Variants in KCNMB4 observed in about 807,000 individuals in gnomAD.
KCNMB4 encodes the protein calcium-activated potassium channel subunit beta-4.
KCNMB4 carries 3 observed loss-of-function variants against 20.7 expected under a neutral mutation model. The ratio of observed to expected loss-of-function variants is 0.14; its 90% CI spans 0.07 to 0.37. The LOEUF is 0.37. Ranked by LOEUF, KCNMB4 falls within the 10% of genes least tolerant of loss-of-function variation. The pLI, the probability that KCNMB4 is intolerant of heterozygous loss-of-function variation, is 1.00. For synonymous variants in KCNMB4, 110 were observed against 113.4 expected (o/e 0.97, Z 0.19); for missense variants, 168 against 265.9 (o/e 0.63, Z 2.56).
intron 2 of KCNMB4, among the ~76,000 whole-genome samples, chr12:70,424,463 G>T (rs1002286641): frequency 7.5e-6 from 1 of 134,012 alleles, no homozygotes; most frequent in Non-Finnish European, 1.6e-5. Flanking sequence ...AAAAAATATT[G>T]CAAAGGCTGG....
chr12:70,430,960 G>A lies in KCNMB4; in HGVS notation c.*307G>A. The A allele has an allele frequency of 4.9e-6, 1 of 202,892 alleles. No homozygotes were observed. Among genetic ancestry groups the A allele is most frequent in the South Asian group, 1.5e-4 (1 of 6,654 alleles). 12.6% of individuals were successfully genotyped at this position (202,892 alleles called of 1,614,324 possible). On this transcript the variant is annotated 3_prime_UTR_variant, in exon 3 of 3. Transcript: ENST00000258111. ...AACAGTATATTATTTGTACAGTGTA[G>A]TATACAAACCATTATGATTTATGCT... is the stretch of plus-strand genomic sequence containing the variant.
At chr12:70,369,144 A>G (rs1480938015) in intron 1 of KCNMB4, among the ~76,000 whole-genome samples, 6 of 152,260 alleles carry the variant, frequency 3.9e-5, no homozygotes, top group Admixed American at 3.9e-4. Context: ...GTCATGGACA[A>G]CATCCTATTC....
chr12:70,390,929 A>G (rs1398506864), intron 1 of KCNMB4, among the ~76,000 whole-genome samples: 3 of 152,134 alleles, frequency 2.0e-5, no homozygotes, highest in African/African-American at 7.2e-5. Flanking sequence ...ACTATTCTGA[A>G]TATCTGCCCT....
intron 2 of KCNMB4, among the ~76,000 whole-genome samples, chr12:70,428,905 A>G (rs1869283598): frequency 6.6e-6 from 1 of 152,252 alleles, no homozygotes; most frequent in Non-Finnish European, 1.5e-5. Context: ...AATTGTTAAA[A>G]TGACTGCGTT....
intron 1 of KCNMB4, among the ~76,000 whole-genome samples, chr12:70,369,388 A>C (rs2172869): frequency 0.06 from 9,130 of 152,286 alleles, 446 homozygotes; most frequent in East Asian, 0.23. Context: ...GTGTCCCTGC[A>C]ATTAGGCAAT....
At chr12:70,408,983 C>A (rs1270467698) in intron 2 of KCNMB4, among the ~76,000 whole-genome samples, 1 of 152,154 alleles carries the variant, frequency 6.6e-6, no homozygotes, top group African/African-American at 2.4e-5. Context: ...TTTGCCTTAA[C>A]TGGCTTCTCC....
chr12:70,390,354 G>T (rs1261404979), intron 1 of KCNMB4, among the ~76,000 whole-genome samples: 1 of 152,206 alleles, frequency 6.6e-6, no homozygotes, highest in Non-Finnish European at 1.5e-5. Flanking sequence ...TTATGTTTTA[G>T]TGAGTCAAAA....
chr12:70,417,748 C>T (rs1338005370), intron 2 of KCNMB4, among the ~76,000 whole-genome samples: 1 of 152,184 alleles, frequency 6.6e-6, no homozygotes, highest in East Asian at 1.9e-4. Context: ...CACTCTATGG[C>T]ACTGGATTTT....
chr12:70,371,740 T>A (rs1459264163), intron 1 of KCNMB4, among the ~76,000 whole-genome samples: 1 of 152,210 alleles, frequency 6.6e-6, no homozygotes, highest in Middle Eastern at 3.2e-3. Context: ...ATGAATATGT[T>A]CACTTAACAA....
intron 1 of KCNMB4, among the ~76,000 whole-genome samples, chr12:70,369,709 T>C (rs1250808797): frequency 6.6e-6 from 1 of 152,250 alleles, no homozygotes; most frequent in African/African-American, 2.4e-5. Context: ...TCTTAAGCCA[T>C]AAGCTGCTGA....
chr12:70,387,388 A>T (rs1868266046), intron 1 of KCNMB4, among the ~76,000 whole-genome samples: 1 of 139,270 alleles, frequency 7.2e-6, no homozygotes, highest in African/African-American at 2.8e-5. Flanking sequence ...CGTCTTTTTT[A>T]AATTTTTTAA....
At chr12:70,414,828 A>T (rs1315313409) in intron 2 of KCNMB4, among the ~76,000 whole-genome samples, 3 of 152,154 alleles carry the variant, frequency 2.0e-5, no homozygotes, top group Non-Finnish European at 2.9e-5. Context: ...ATTTATTCCT[A>T]TATGTGACTA....
chr12:70,415,321 A>G (rs990594318), intron 2 of KCNMB4, among the ~76,000 whole-genome samples: 2 of 152,220 alleles, frequency 1.3e-5, no homozygotes, highest in African/African-American at 4.8e-5. Flanking sequence ...CACTGAGATT[A>G]CAGAACTAAC....
At chr12:70,414,431 C>A (rs1868863584) in intron 2 of KCNMB4, among the ~76,000 whole-genome samples, 1 of 152,094 alleles carries the variant, frequency 6.6e-6, no homozygotes, top group Non-Finnish European at 1.5e-5. Flanking sequence ...GATCACATGG[C>A]TAGGGAGGAG....
At chr12:70,369,542 C>T (rs1392143810) in intron 1 of KCNMB4, among the ~76,000 whole-genome samples, 1 of 152,148 alleles carries the variant, frequency 6.6e-6, no homozygotes, top group East Asian at 1.9e-4. Flanking sequence ...CCAGCCGCCT[C>T]CAGGCTTTTC....
At chr12:70,414,895 A>G (rs1302251238) in intron 2 of KCNMB4, among the ~76,000 whole-genome samples, 1 of 152,162 alleles carries the variant, frequency 6.6e-6, no homozygotes, top group Non-Finnish European at 1.5e-5. Flanking sequence ...ACTCTTGATT[A>G]TGGTACCCAT....
intron 2 of KCNMB4, among the ~76,000 whole-genome samples, chr12:70,419,249 G>A (rs185204006): frequency 1.3e-5 from 2 of 152,230 alleles, no homozygotes; most frequent in African/African-American, 4.8e-5. Context: ...ACTAGGCATC[G>A]CTGAGATAGA....
intron 2 of KCNMB4, chr12:70,422,557 C>A (rs1869093633): frequency 4.4e-6 from 2 of 457,116 alleles, no homozygotes; most frequent in South Asian, 2.0e-5. Flanking sequence ...GTTGAAAATT[C>A]TCTTTCTGTT....
At chr12:70,390,704 A>G (rs1264369750) in intron 1 of KCNMB4, among the ~76,000 whole-genome samples, 1 of 152,176 alleles carries the variant, frequency 6.6e-6, no homozygotes, top group African/African-American at 2.4e-5. Context: ...AGCAATCCCA[A>G]ATGTCAGTAT....
Sources: allele counts gnomAD v4.1 joint callset (sites outside exome capture counted in the v4.1 genomes callset), GRCh38; gene constraint gnomAD v4.1.1; transcripts MANE v1.5; gene names NCBI Gene and HGNC (gene_info 2026-07-23, HGNC 2026-07-21).